Variants in PRKCZ observed in about 807,000 individuals in gnomAD.
The protein encoded by PRKCZ is protein kinase C zeta.
A neutral mutation model predicts 79.5 loss-of-function variants in PRKCZ; 33 were observed. That is an observed-to-expected ratio of 0.41 (90% CI 0.31 to 0.55). PRKCZ has a LOEUF of 0.55. Among genes scored for constraint, PRKCZ ranks in the 20% least tolerant of loss-of-function variants. The pLI, the probability that PRKCZ is intolerant of heterozygous loss-of-function variation, is 0.19. For missense variants in PRKCZ, 578 were observed against 813.5 expected (o/e 0.71, Z 3.52); for synonymous variants, 342 against 320.9 (o/e 1.07, Z -0.70).
At position 2,172,504 on chromosome 1, in the gene PRKCZ, C is replaced by G. The variant is rs1238875324; in HGVS notation, c.1285+116C>G. 1 of 1,145,058 alleles carries G rather than the reference C, an allele frequency of 8.7e-7. No homozygotes were observed. The highest frequency in any genetic ancestry group is 1.6e-5 in the African/African-American group (1 of 63,714). 70.9% of individuals were successfully genotyped at this position (1,145,058 alleles called of 1,614,324 possible). A position where few individuals can be genotyped will look rare whatever the true frequency, so the allele number is the denominator to read the frequency against. On this transcript the variant is annotated intron_variant, in intron 13 of 17. Coordinates refer to ENST00000378567, the MANE Select transcript of PRKCZ (RefSeq NM_002744.6). The surrounding 1 kb of genome is among the most constrained non-coding windows in gnomAD (Gnocchi z 7.8). ...CCATCTTACACCCAAAAGCCACACA[C>G]TGTCTTTCCCAGCCGGATGTCATCA...
At chr1:2,131,696 A>G (rs1345681158) in intron 4 of PRKCZ, among the ~76,000 whole-genome samples, 1 of 152,234 alleles carries the variant, frequency 6.6e-6, no homozygotes, top group Non-Finnish European at 1.5e-5. Context: ...ACCCAACTGC[A>G]GGCTGTCCCC....
intron 10 of PRKCZ, among the ~76,000 whole-genome samples, chr1:2,160,883 TGAGA>T (rs1264969114): frequency 1.3e-5 from 2 of 151,478 alleles, no homozygotes; most frequent in Admixed American, 1.3e-4. Context: ...TGTGGGTGTG[TGAGA>T]AAGAGGTGAG....
At chr1:2,072,124 T>C (rs567659371) in intron 4 of PRKCZ, among the ~76,000 whole-genome samples, 1 of 152,370 alleles carries the variant, frequency 6.6e-6, no homozygotes, top group East Asian at 1.9e-4. Context: ...TAGGTTTATA[T>C]GTTTCACATT....
rs1368527870 is a variant in PRKCZ, at chr1:2,178,985, G to A, written c.1575+3672G>A. 1.3e-5 allele frequency among the ~76,000 whole-genome samples: 2 copies of A among 152,204 alleles called. No homozygotes were observed. The highest frequency in any genetic ancestry group is 2.4e-5 in the African/African-American group (1 of 41,454). On this transcript the variant is annotated intron_variant, in intron 16 of 17. Coordinates refer to ENST00000378567, the MANE Select transcript of PRKCZ (RefSeq NM_002744.6). The surrounding 1 kb of genome is among the most constrained non-coding windows in gnomAD (Gnocchi z 4.3). ...AACCAGCACCACTCAGGCAGTCGCC[G>A]CCACTGGGGTGTGACTCTGGGGCCC... is the stretch of plus-strand genomic sequence containing the variant.
intron 4 of PRKCZ, among the ~76,000 whole-genome samples, chr1:2,087,817 C>T (rs1235116555): frequency 2.0e-5 from 3 of 152,186 alleles, no homozygotes; most frequent in Non-Finnish European, 4.4e-5. Flanking sequence ...GGAAAGGAGT[C>T]CCCGGAGGCC....
intron 1 of PRKCZ, among the ~76,000 whole-genome samples, chr1:2,052,438 C>T (rs868725476): frequency 6.7e-6 from 1 of 149,548 alleles, no homozygotes; most frequent in Admixed American, 6.7e-5. Context: ...TCCTCTTCCT[C>T]CCTCCTTCCC....
chr1:2,065,730 G>T (rs1479466993), intron 4 of PRKCZ, among the ~76,000 whole-genome samples: 4 of 146,904 alleles, frequency 2.7e-5, no homozygotes, highest in African/African-American at 1.0e-4. Flanking sequence ...CCCTGCCTTT[G>T]TCCTGATTGT....
chr1:2,059,887 G>A (rs1660514317), intron 4 of PRKCZ, among the ~76,000 whole-genome samples: 1 of 152,178 alleles, frequency 6.6e-6, no homozygotes, highest in African/African-American at 2.4e-5. Flanking sequence ...GCTGGACACT[G>A]CTCCTTTGTG....
chr1:2,097,463 G>A (rs773432332), intron 4 of PRKCZ, among the ~76,000 whole-genome samples: 35 of 152,214 alleles, frequency 2.3e-4, no homozygotes, highest in Non-Finnish European at 2.6e-4. Flanking sequence ...TGGGTGGCCC[G>A]GCGATCAACC....
Position 2,172,051 on chromosome 1 carries a change from C to T in PRKCZ, c.1062-4C>T. 6.3e-7 allele frequency: 1 copy of T among 1,597,238 alleles called. No individual in the cohort carries two copies. Among genetic ancestry groups the T allele is most frequent in the Admixed American group, 1.7e-5 (1 of 58,708 alleles). On this transcript the variant is annotated splice_region_variant and splice_polypyrimidine_tract_variant and intron_variant, in intron 11 of 17. Transcript: ENST00000378567. The surrounding 1 kb of genome is among the most constrained non-coding windows in gnomAD (Gnocchi z 7.8). ...TGCCCCCATGACGGCATCCCCACCC[C>T]CAGGTTCTACGCGGCCGAGATCTGC...
chr1:2,150,745 G>C (rs11583093), intron 8 of PRKCZ, 45 bp from the exon 9 acceptor site: 1 of 1,573,242 alleles, frequency 6.4e-7, no homozygotes, highest in African/African-American at 1.4e-5. Flanking sequence ...TGAGTCTCCC[G>C]GGAACCCCCC....
At chr1:2,117,050 A>G (rs927683896) in intron 4 of PRKCZ, among the ~76,000 whole-genome samples, 1 of 151,996 alleles carries the variant, frequency 6.6e-6, no homozygotes. Context: ...CCTGGGCTCA[A>G]GCAATCCTCC....
chr1:2,117,367 G>GTT (rs56248139), intron 4 of PRKCZ, among the ~76,000 whole-genome samples: 16 of 147,446 alleles, frequency 1.1e-4, no homozygotes, highest in African/African-American at 3.5e-4. Flanking sequence ...TACTTTTACA[G>GTT]TTTTTTTTTT....
intron 4 of PRKCZ, among the ~76,000 whole-genome samples, chr1:2,097,262 T>C (rs1666686967): frequency 6.6e-6 from 1 of 152,206 alleles, no homozygotes; most frequent in Admixed American, 6.5e-5. Flanking sequence ...GCAGGCCACA[T>C]GGCCACCTGG....
chr1:2,064,667 A>T (rs950334656), intron 4 of PRKCZ, among the ~76,000 whole-genome samples: 1 of 152,168 alleles, frequency 6.6e-6, no homozygotes, highest in African/African-American at 2.4e-5. Context: ...TCGTTTCACC[A>T]TATATGGGAG....
intron 10 of PRKCZ, among the ~76,000 whole-genome samples, chr1:2,157,391 T>C (rs72925866): frequency 0.046 from 7,061 of 151,956 alleles, 499 homozygotes; most frequent in African/African-American, 0.16. Context: ...AGCAAGCAGC[T>C]CTTATTCCAA....
rs865825215 is a variant in PRKCZ at position 2,121,442 on chromosome 1, T to A, written c.335-13820T>A. Among the ~76,000 whole-genome samples, 12 of 135,426 alleles carry A rather than the reference T, an allele frequency of 8.9e-5. 1 individual carries two copies. The highest frequency in any genetic ancestry group is 7.6e-3 in the Middle Eastern group (2 of 262). The allele number at this position is 135,426 out of a possible 152,430, so 88.8% of individuals were successfully genotyped here. On this transcript the variant is annotated intron_variant, in intron 4 of 17. Transcript: ENST00000378567. ...CGAAGCCTTTGACAGGTAGTTAGAG[T>A]CATGGCGGTAGTTAGTTAGAGTCAT...
At chr1:2,156,315 C>A in intron 10 of PRKCZ, 1 of 449,046 alleles carries the variant, frequency 2.2e-6, no homozygotes, top group Non-Finnish European at 4.2e-6. Context: ...GAAATACTTA[C>A]TGGAGGTATC....
intron 16 of PRKCZ, among the ~76,000 whole-genome samples, chr1:2,180,078 G>A (rs991678850): frequency 5.9e-5 from 9 of 152,174 alleles, no homozygotes; most frequent in Non-Finnish European, 1.3e-4. Flanking sequence ...CCCCACAGCT[G>A]GGCTGGTGCC....
Sources: gnomAD v4.1 joint callset for allele counts (sites outside exome capture counted in the v4.1 genomes callset) on GRCh38, gnomAD v4.1.1 for gene constraint, Gnocchi (gnomAD v3.1) non-coding constraint, MANE v1.5 for transcripts, NCBI Gene and HGNC (gene_info 2026-07-23, HGNC 2026-07-21) for gene names.